Variants in HS6ST2 observed in about 807,000 individuals in gnomAD.
HS6ST2 encodes the protein heparan-sulfate 6-O-sulfotransferase 2.
HS6ST2 carries 17 observed loss-of-function variants against 33.0 expected under a neutral mutation model. The ratio of observed to expected loss-of-function variants is 0.52; its 90% CI spans 0.35 to 0.77. The LOEUF (loss-of-function observed/expected upper bound fraction) is 0.77. Ranked by LOEUF, HS6ST2 falls within the 30% of genes least tolerant of loss-of-function variation. The pLI is 0.01. For missense variants in HS6ST2, 519 were observed against 551.7 expected (o/e 0.94, Z 0.59); for synonymous variants, 248 against 237.1 (o/e 1.05, Z -0.42).
At chrX:132,631,074 T>A (rs988532) in intron 4 of HS6ST2, among the ~76,000 whole-genome samples, 33,304 of 110,721 alleles carry the variant, frequency 0.3, 5,298 homozygotes, top group African/African-American at 0.61. Context: ...ATCCCATCCA[T>A]TCCAGCTTTG....
intron 2 of HS6ST2, among the ~76,000 whole-genome samples, chrX:132,910,067 T>C (rs924098510): frequency 9.0e-6 from 1 of 111,691 alleles, no homozygotes. Flanking sequence ...AAATTTCTAA[T>C]ATTTTCACGT....
intron 2 of HS6ST2, among the ~76,000 whole-genome samples, chrX:132,842,287 G>A (rs935370331): frequency 2.7e-5 from 3 of 111,378 alleles, no homozygotes; most frequent in Admixed American, 1.9e-4. Flanking sequence ...TTTTGGTTTC[G>A]TTGCAATTAT....
intron 2 of HS6ST2, among the ~76,000 whole-genome samples, chrX:132,836,551 T>C (rs1327047053): frequency 1.8e-5 from 2 of 112,221 alleles, no homozygotes; most frequent in African/African-American, 6.5e-5. Flanking sequence ...AAGCAACAGC[T>C]CTCCTCTCCT....
At chrX:132,788,817 AC>A (rs2065090552) in intron 2 of HS6ST2, among the ~76,000 whole-genome samples, 1 of 112,955 alleles carries the variant, frequency 8.9e-6, no homozygotes, top group African/African-American at 3.2e-5. Context: ...ATAGATCAAA[AC>A]AGCCACAAAA....
At chrX:132,682,384 G>T (rs947317385) in intron 3 of HS6ST2, among the ~76,000 whole-genome samples, 1 of 112,072 alleles carries the variant, frequency 8.9e-6, no homozygotes, top group African/African-American at 3.2e-5. Context: ...GATCTGAAAG[G>T]AGAAGGCCCT....
chrX:132,712,244 C>T (rs2064237549), intron 2 of HS6ST2, among the ~76,000 whole-genome samples: 1 of 111,707 alleles, frequency 9.0e-6, no homozygotes, highest in Non-Finnish European at 1.9e-5. Context: ...AATGCCCTTC[C>T]ACCATCATTC....
chrX:132,924,352 G>A (rs1316119265), intron 2 of HS6ST2, among the ~76,000 whole-genome samples: 3 of 112,320 alleles, frequency 2.7e-5, no homozygotes, highest in Non-Finnish European at 5.6e-5. Context: ...CAGTTAATGA[G>A]TCATCAACAG....
At chrX:132,715,944 C>T (rs2064269624) in intron 2 of HS6ST2, among the ~76,000 whole-genome samples, 1 of 112,438 alleles carries the variant, frequency 8.9e-6, no homozygotes, top group Admixed American at 9.4e-5. Context: ...GAAATAATGC[C>T]TTATACCTGG....
chrX:132,843,858 G>A (rs910611834), intron 2 of HS6ST2, among the ~76,000 whole-genome samples: 2 of 111,630 alleles, frequency 1.8e-5, no homozygotes, highest in Non-Finnish European at 1.9e-5. Flanking sequence ...TGGGGAAGTC[G>A]CCTTAAGGAA....
At chrX:132,761,283 TCA>T (rs1390819907) in intron 2 of HS6ST2, among the ~76,000 whole-genome samples, 1 of 111,764 alleles carries the variant, frequency 8.9e-6, no homozygotes, top group African/African-American at 3.3e-5. Flanking sequence ...CTGCAAACTC[TCA>T]GAGTGAAAAG....
intron 2 of HS6ST2, among the ~76,000 whole-genome samples, chrX:132,811,359 A>G (rs926049771): frequency 9.1e-6 from 1 of 109,860 alleles, no homozygotes; most frequent in African/African-American, 3.3e-5. Context: ...GGTAAAACTT[A>G]TTTTAAGTAT....
intron 2 of HS6ST2, among the ~76,000 whole-genome samples, chrX:132,764,126 A>T (rs781776735): frequency 4.5e-5 from 5 of 112,179 alleles, no homozygotes; most frequent in Non-Finnish European, 9.4e-5. Flanking sequence ...TGAATTTTCC[A>T]AAAAAAGGAG....
At chrX:132,707,324 C>T (rs1288908481) in intron 3 of HS6ST2, among the ~76,000 whole-genome samples, 1 of 112,457 alleles carries the variant, frequency 8.9e-6, no homozygotes, top group African/African-American at 3.2e-5. Context: ...TTCTCCCATA[C>T]TAATACTGTG....
intron 3 of HS6ST2, among the ~76,000 whole-genome samples, chrX:132,689,965 A>G (rs1402020399): frequency 1.8e-5 from 2 of 111,184 alleles, no homozygotes; most frequent in East Asian, 5.7e-4. Context: ...CCTTCTTCCA[A>G]TGTGACCCAG....
intron 4 of HS6ST2, among the ~76,000 whole-genome samples, chrX:132,638,651 C>T (rs962895413): frequency 3.6e-5 from 4 of 112,176 alleles, no homozygotes; most frequent in African/African-American, 1.3e-4. Flanking sequence ...TGCTGAACCT[C>T]TTCCTTTCCC....
At chrX:132,830,521 C>T (rs1547417) in intron 2 of HS6ST2, among the ~76,000 whole-genome samples, 36,872 of 110,947 alleles carry the variant, frequency 0.33, 4,806 homozygotes, top group African/African-American at 0.43. Flanking sequence ...TTTTCCACTG[C>T]CTATAATAAA....
At chrX:132,656,099 T>C (rs1214869311) in intron 4 of HS6ST2, among the ~76,000 whole-genome samples, 1 of 106,217 alleles carries the variant, frequency 9.4e-6, no homozygotes, top group Non-Finnish European at 1.9e-5. Context: ...TCAAAACCTG[T>C]AGCATTTTTT....
intron 2 of HS6ST2, among the ~76,000 whole-genome samples, chrX:132,773,073 AT>A (rs2064922914): frequency 1.0e-5 from 1 of 95,494 alleles, no homozygotes; most frequent in African/African-American, 3.9e-5. Flanking sequence ...AAACTTTCAT[AT>A]TTATAGATTT....
At chrX:132,892,855 A>G (rs1460774501) in intron 2 of HS6ST2, among the ~76,000 whole-genome samples, 1 of 111,636 alleles carries the variant, frequency 9.0e-6, no homozygotes, top group Non-Finnish European at 1.9e-5. Flanking sequence ...ATAAAATGGC[A>G]AAGTATTTGT....
Sources: gnomAD v4.1 joint callset for allele counts (sites outside exome capture counted in the v4.1 genomes callset) on GRCh38, gnomAD v4.1.1 for gene constraint, MANE v1.5 for transcripts, NCBI Gene and HGNC (gene_info 2026-07-23, HGNC 2026-07-21) for gene names.